The following ANO6 variants were observed in gnomAD, a reference collection of about 807,000 sequenced individuals.
The protein encoded by ANO6 is anoctamin 6.
Under a neutral mutation model 117.5 loss-of-function variants are expected in ANO6, and 106 were observed. The ratio of observed to expected loss-of-function variants is 0.90; its 90% confidence interval spans 0.77 to 1.06. The LOEUF is 1.06. Ranked by LOEUF, ANO6 falls within the 50% of genes least tolerant of loss-of-function variation. The pLI, the probability that ANO6 is intolerant of heterozygous loss-of-function variation, is 0.00. For missense variants in ANO6, 955 were observed against 1,121.1 expected (o/e 0.85, Z 2.12); for synonymous variants, 367 against 385.1 (o/e 0.95, Z 0.55).
At chr12:45,434,691 G>A (rs200417772), downstream of ANO6, among the ~76,000 whole-genome samples, 16 of 152,306 alleles carry the variant, frequency 1.1e-4, no homozygotes, top group East Asian at 3.1e-3. Flanking sequence ...CCTCATTTCT[G>A]CTCTGTGGGA....
In ANO6 at chr12:45,360,679, C is replaced by T. The variant is rs59569882; in HGVS notation, c.998+3255C>T. 3.2e-3 allele frequency among the ~76,000 whole-genome samples: 494 copies of T among 152,218 alleles called. 9 individuals carry two copies. Among genetic ancestry groups the T allele is most frequent in the East Asian group, 0.029 (152 of 5,180 alleles). On this transcript the variant is annotated intron_variant, in intron 8 of 19. Transcript: ENST00000320560. ...TTGGTGTCATGTCTTAGAAACCATT[C>T]GTAATCCAAAGTCATAAAGTTTTTT... is the stretch of plus-strand genomic sequence containing the variant.
chr12:45,321,980 TG>T (rs1301809206), intron 2 of ANO6, among the ~76,000 whole-genome samples: 1 of 152,108 alleles, frequency 6.6e-6, no homozygotes, highest in Non-Finnish European at 1.5e-5. Flanking sequence ...GAGCATGTGG[TG>T]GTGAAGAATG....
At chr12:45,433,661 T>G (rs568228872), downstream of ANO6, among the ~76,000 whole-genome samples, 1 of 151,854 alleles carries the variant, frequency 6.6e-6, no homozygotes, top group Admixed American at 6.5e-5. Context: ...TCTCCTAAGC[T>G]CTCTCTTCTG....
intron 9 of ANO6, among the ~76,000 whole-genome samples, chr12:45,368,287 T>C (rs1290290974): frequency 6.6e-6 from 1 of 152,182 alleles, no homozygotes; most frequent in East Asian, 1.9e-4. Flanking sequence ...CTCAAAAAGC[T>C]TTGGATTTGG....
chr12:45,293,574 A>T (rs1447430940), intron 1 of ANO6, among the ~76,000 whole-genome samples: 1 of 151,352 alleles, frequency 6.6e-6, no homozygotes, highest in African/African-American at 2.4e-5. Flanking sequence ...ATTATATTTT[A>T]TTTTTTTGAG....
At chr12:45,364,647 CT>C (rs2137498193) in intron 8 of ANO6, among the ~76,000 whole-genome samples, 1 of 152,078 alleles carries the variant, frequency 6.6e-6, no homozygotes, top group East Asian at 1.9e-4. Context: ...TTAATAATTC[CT>C]ATCTCTATTG....
intron 8 of ANO6, among the ~76,000 whole-genome samples, chr12:45,359,378 A>T (rs904337191): frequency 6.6e-6 from 1 of 152,214 alleles, no homozygotes. Context: ...AGTTGTGATC[A>T]CCACCATCTA....
chr12:45,415,912 G>A (rs897828741), intron 16 of ANO6, among the ~76,000 whole-genome samples: 3 of 152,116 alleles, frequency 2.0e-5, no homozygotes, highest in Non-Finnish European at 4.4e-5. Context: ...GGAGGGCAGG[G>A]TCTAAAACTT....
At chr12:45,434,739 A>T (rs750556991), downstream of ANO6, among the ~76,000 whole-genome samples, 1 of 152,196 alleles carries the variant, frequency 6.6e-6, no homozygotes, top group Non-Finnish European at 1.5e-5. Flanking sequence ...ATTCCATTTC[A>T]ATTGCTCCCT....
chr12:45,281,780 T>A, intron 1 of ANO6, among the ~76,000 whole-genome samples: 1 of 152,230 alleles, frequency 6.6e-6, no homozygotes, highest in Non-Finnish European at 1.5e-5. Context: ...TATCTTAAAT[T>A]TGAAAGTGGT....
At chr12:45,329,138 C>A (rs542418840) in intron 2 of ANO6, among the ~76,000 whole-genome samples, 1 of 152,188 alleles carries the variant, frequency 6.6e-6, no homozygotes, top group African/African-American at 2.4e-5. Context: ...AGATCCTAAT[C>A]TGACTGCTTT....
At chr12:45,245,705 G>C (rs1947814923) in intron 1 of ANO6, among the ~76,000 whole-genome samples, 1 of 152,030 alleles carries the variant, frequency 6.6e-6, no homozygotes, top group Non-Finnish European at 1.5e-5. Flanking sequence ...TTGTAAAGTT[G>C]AACTGCAATA....
rs1031036987 is a variant in ANO6, at chr12:45,348,542, A to G, written c.658A>G (p.Lys220Glu). Reference protein sequence around the residue: ...RIVYFILSRVKYQVINNVSKF... With the variant: ...RIVYFILSRVEYQVINNVSKF... ...GGTTTACTTCATCCTCTCTCGGGTC[A>G]AGTATCAAGTGATAAACAATGTTAG... Residue 220 changes from lysine to glutamate, a missense_variant, in exon 6 of 20, where the codon AAG (lysine) becomes GAG (glutamate). Transcript: ENST00000320560. 1 of 1,613,990 alleles carries G rather than the reference A, an allele frequency of 6.2e-7. No homozygotes were observed. Among genetic ancestry groups the G allele is most frequent in the Non-Finnish European group, 8.5e-7 (1 of 1,179,896 alleles).
At chr12:45,386,486 T>TTCTGTCATACCTGCATCCA (rs60854021) in intron 10 of ANO6, among the ~76,000 whole-genome samples, 2 of 137,882 alleles carry the variant, frequency 1.5e-5, no homozygotes, top group Non-Finnish European at 3.2e-5. Context: ...GCTAGCATCC[T>TTCTGTCATACCTGCATCCA]TCTGTCATAC....
chr12:45,370,985 G>A (rs543731096), intron 9 of ANO6, among the ~76,000 whole-genome samples: 2 of 152,226 alleles, frequency 1.3e-5, no homozygotes, highest in Admixed American at 6.5e-5. Context: ...GACAGTGGGC[G>A]CAGGTCAGTG....
intron 10 of ANO6, among the ~76,000 whole-genome samples, chr12:45,384,885 T>TTC (rs1227138428): frequency 6.6e-6 from 1 of 152,208 alleles, no homozygotes; most frequent in African/African-American, 2.4e-5. Flanking sequence ...ATAAAAACAC[T>TTC]ATCTGTAAAG....
intron 1 of ANO6, among the ~76,000 whole-genome samples, chr12:45,241,575 G>A (rs921072745): frequency 8.5e-5 from 13 of 152,154 alleles, no homozygotes; most frequent in Middle Eastern, 3.2e-3. Flanking sequence ...GTCATTCTCC[G>A]TCCAGCTTTG....
intron 1 of ANO6, among the ~76,000 whole-genome samples, chr12:45,222,646 C>T (rs573180485): frequency 6.6e-6 from 1 of 152,310 alleles, no homozygotes; most frequent in African/African-American, 2.4e-5. Context: ...CCATCTTTGA[C>T]CTGCCCTATT....
At chr12:45,426,237 A>G (rs561677465) in intron 19 of ANO6, among the ~76,000 whole-genome samples, 2 of 152,390 alleles carry the variant, frequency 1.3e-5, no homozygotes, top group Middle Eastern at 3.4e-3. Context: ...CAAGGGTGGC[A>G]TAACACAGAA....
Sources: allele counts gnomAD v4.1 joint callset (sites outside exome capture counted in the v4.1 genomes callset), GRCh38; gene constraint gnomAD v4.1.1; transcripts MANE v1.5; gene names NCBI Gene and HGNC (gene_info 2026-07-23, HGNC 2026-07-21).